SPOCK3: variants seen among roughly 807,000 people sequenced by gnomAD.
The protein encoded by SPOCK3 is testican-3.
Under a neutral mutation model 56.6 loss-of-function variants are expected in SPOCK3, and 30 were observed. The ratio of observed to expected loss-of-function variants is 0.53; its 90% confidence interval spans 0.40 to 0.72. The LOEUF is 0.72. Ranked by LOEUF, SPOCK3 falls within the 30% of genes least tolerant of loss-of-function variation. The pLI is 0.00. For missense variants in SPOCK3, 527 were observed against 530.0 expected, an observed-to-expected ratio of 0.99 and a Z score of 0.06; for synonymous variants, 196 against 183.3, an observed-to-expected ratio of 1.07 and a Z score of -0.56.
At chr4:167,037,663 CT>C (rs1752882891) in intron 3 of SPOCK3, among the ~76,000 whole-genome samples, 1 of 152,184 alleles carries the variant, frequency 6.6e-6, no homozygotes, top group Admixed American at 6.5e-5. Context: ...CACTTGAACT[CT>C]TCTGCATTGC....
chr4:167,127,668 T>G (rs940240332), intron 2 of SPOCK3, among the ~76,000 whole-genome samples: 2 of 152,150 alleles, frequency 1.3e-5, no homozygotes, highest in Non-Finnish European at 2.9e-5. Context: ...CCTCAGGAGA[T>G]CCACTCACCT....
At chr4:166,882,098 C>A (rs1008897135) in intron 6 of SPOCK3, among the ~76,000 whole-genome samples, 1 of 152,032 alleles carries the variant, frequency 6.6e-6, no homozygotes, top group African/African-American at 2.4e-5. Context: ...TTATTTGTCT[C>A]CTTCCTTGTA....
intron 2 of SPOCK3, among the ~76,000 whole-genome samples, chr4:167,226,021 C>T (rs1736561522): frequency 6.6e-6 from 1 of 152,122 alleles, no homozygotes; most frequent in African/African-American, 2.4e-5. Context: ...AAGAAAATAT[C>T]CTGTTCTTTA....
chr4:167,027,658 C>T (rs1052150601), intron 3 of SPOCK3, among the ~76,000 whole-genome samples: 1 of 151,916 alleles, frequency 6.6e-6, no homozygotes. Context: ...GTTTTGCATT[C>T]TTTTTCTATA....
At chr4:166,895,158 A>T (rs1247897451) in intron 5 of SPOCK3, among the ~76,000 whole-genome samples, 4 of 152,216 alleles carry the variant, frequency 2.6e-5, no homozygotes, top group Middle Eastern at 3.4e-3. Context: ...TAAAACCTAT[A>T]AAAATAGGTT....
chr4:166,990,391 A>T (rs937315088), intron 4 of SPOCK3, among the ~76,000 whole-genome samples: 1 of 78,030 alleles, frequency 1.3e-5, no homozygotes. Context: ...AAAGTATAAT[A>T]AAAAAATTAA....
chr4:166,944,558 G>C (rs1741496643), intron 4 of SPOCK3, among the ~76,000 whole-genome samples: 1 of 151,910 alleles, frequency 6.6e-6, no homozygotes, highest in Middle Eastern at 3.2e-3. Flanking sequence ...AGGGAGGGGT[G>C]GATTTCATAA....
chr4:167,204,157 CTTCCTCCT>C (rs1356050519), intron 2 of SPOCK3, among the ~76,000 whole-genome samples: 1 of 151,990 alleles, frequency 6.6e-6, no homozygotes, highest in East Asian at 1.9e-4. Flanking sequence ...TAATCCTGCC[CTTCCTCCT>C]TTCCTCCCCT....
chr4:166,843,938 C>T (rs78201610), intron 6 of SPOCK3, among the ~76,000 whole-genome samples: 4,583 of 152,228 alleles, frequency 0.03, 90 homozygotes, highest in Middle Eastern at 0.051. Context: ...TGATGAGAAA[C>T]ATGGCCTAGC....
At chr4:166,951,856 GA>G (rs1379021954) in intron 4 of SPOCK3, among the ~76,000 whole-genome samples, 1 of 152,032 alleles carries the variant, frequency 6.6e-6, no homozygotes, top group Non-Finnish European at 1.5e-5. Context: ...AATAGATGCA[GA>G]AAAGGCCTTT....
At chr4:166,931,545 AT>A (rs1174550898) in intron 4 of SPOCK3, among the ~76,000 whole-genome samples, 1 of 152,172 alleles carries the variant, frequency 6.6e-6, no homozygotes, top group Non-Finnish European at 1.5e-5. Context: ...GCATATCTTA[AT>A]TTACTCTATG....
chr4:166,787,361 A>G (rs1189744930), intron 7 of SPOCK3, among the ~76,000 whole-genome samples: 1 of 152,186 alleles, frequency 6.6e-6, no homozygotes. Flanking sequence ...TGCACATAAT[A>G]TCACTATTTT....
At chr4:167,045,276 G>A (rs1051166190) in intron 3 of SPOCK3, among the ~76,000 whole-genome samples, 17 of 151,776 alleles carry the variant, frequency 1.1e-4, no homozygotes, top group African/African-American at 2.9e-4. Context: ...TAATCTATAC[G>A]TAGCTTTAAA....
chr4:166,899,914 A>C (rs1735858890), intron 5 of SPOCK3, among the ~76,000 whole-genome samples: 1 of 152,148 alleles, frequency 6.6e-6, no homozygotes, highest in African/African-American at 2.4e-5. Flanking sequence ...TTACCACCAA[A>C]ATGTAGGCCC....
chr4:167,102,448 T>G (rs1759732046), intron 2 of SPOCK3: 1 of 152,192 alleles, frequency 6.6e-6, no homozygotes, highest in Non-Finnish European at 1.5e-5. Context: ...CTGGTTTTAC[T>G]TCATATCACC....
chr4:167,118,654 G>C (rs772083354), intron 2 of SPOCK3, among the ~76,000 whole-genome samples: 110 of 152,004 alleles, frequency 7.2e-4, no homozygotes, highest in Non-Finnish European at 1.5e-3. Flanking sequence ...TAGACAAATT[G>C]CTCATATTTC....
At chr4:167,109,362 T>TTA (rs1401109841) in intron 2 of SPOCK3, among the ~76,000 whole-genome samples, 9 of 38,710 alleles carry the variant, frequency 2.3e-4, no homozygotes, top group Admixed American at 1.1e-3. Flanking sequence ...AAATATATAT[T>TTA]TATATATATA....
intron 3 of SPOCK3, among the ~76,000 whole-genome samples, chr4:167,062,002 G>C (rs913214269): frequency 1.3e-5 from 2 of 151,808 alleles, no homozygotes; most frequent in Non-Finnish European, 2.9e-5. Flanking sequence ...CTGTTTGAAA[G>C]GAGGTGGGGA....
intron 2 of SPOCK3, among the ~76,000 whole-genome samples, chr4:167,183,287 G>A (rs1731661109): frequency 6.6e-6 from 1 of 152,040 alleles, no homozygotes; most frequent in East Asian, 1.9e-4. Flanking sequence ...TGAGTTTTTA[G>A]GTAGCTTATT....
Sources: gnomAD v4.1 joint callset for allele counts (sites outside exome capture counted in the v4.1 genomes callset) on GRCh38, gnomAD v4.1.1 for gene constraint, MANE v1.5 for transcripts, NCBI Gene and HGNC (gene_info 2026-07-23, HGNC 2026-07-21) for gene names.